DDOST: variants seen among roughly 807,000 people sequenced by gnomAD.
The protein encoded by DDOST is dolichyl-diphosphooligosaccharide--protein glycosyltransferase 48 kDa subunit.
Under a neutral mutation model 47.6 loss-of-function variants are expected in DDOST, and 25 were observed. The observed-to-expected ratio is 0.53, with a 90% CI of 0.38 to 0.73. DDOST has a LOEUF of 0.73. DDOST is among the 30% of genes least tolerant of loss of function. The pLI, the probability that DDOST is intolerant of heterozygous loss-of-function variation, is 0.00. For synonymous variants in DDOST, 275 were observed against 236.0 expected (o/e 1.17, Z -1.51); for missense variants, 526 against 573.9 (o/e 0.92, Z 0.85).
intron 5 of DDOST, 120 bp downstream of exon 5, chr1:20,655,320 C>A: frequency 1.4e-6 from 1 of 733,828 alleles, no homozygotes; most frequent in South Asian, 1.7e-5. Flanking sequence ...CTTGATATAA[C>A]AAATTAATCC....
At chr1:20,658,643 C>T (rs1441205462) in intron 2 of DDOST, among the ~76,000 whole-genome samples, 1 of 152,232 alleles carries the variant, frequency 6.6e-6, no homozygotes, top group Non-Finnish European at 1.5e-5. Flanking sequence ...GCTTCTAATG[C>T]TTGCTAATCT....
At chr1:20,654,549 C>T (rs1263980479) in intron 6 of DDOST, 65 bp downstream of exon 6, 2 of 1,462,620 alleles carry the variant, frequency 1.4e-6, no homozygotes, top group African/African-American at 1.4e-5. Context: ...ATTTCCTTCG[C>T]CTCAGCCAAA....
intron 8 of DDOST, 90 bp from the exon 9 acceptor site, chr1:20,653,061 C>A (rs1042154999): frequency 6.4e-7 from 1 of 1,551,180 alleles, no homozygotes; most frequent in African/African-American, 1.4e-5. Context: ...TCCCACCCGA[C>A]GAACATGGCA....
Position 20,652,272 on chromosome 1 carries a change from G to T in DDOST, c.*107C>A. 1 of 1,186,410 alleles carries T rather than the reference G, an allele frequency of 8.4e-7. No individual in the cohort carries two copies. The highest frequency in any genetic ancestry group is 1.1e-6 in the Non-Finnish European group (1 of 874,630). The allele number at this position is 1,186,410 out of a possible 1,614,324, so 73.5% of individuals were successfully genotyped here. A position where few individuals can be genotyped will look rare whatever the true frequency, so the allele number is the denominator to read the frequency against. On this transcript the variant is annotated 3_prime_UTR_variant, in exon 11 of 11. Coordinates refer to ENST00000602624, the MANE Select transcript of DDOST (RefSeq NM_005216.5). ...GTGTTGCATCTCCCACAGAGGTAAA[G>T]TTGTGCCATTTTCCCACGGCTTTAA...
chr1:20,653,196 T>G, intron 8 of DDOST: 1 of 596,516 alleles, frequency 1.7e-6, no homozygotes, highest in Non-Finnish European at 3.0e-6. Flanking sequence ...TCTGAAGGCC[T>G]AGATTCCTTC....
intron 6 of DDOST, 86 bp from the exon 7 acceptor site, chr1:20,654,457 G>A (rs1382551332): frequency 2.0e-6 from 3 of 1,466,112 alleles, no homozygotes; most frequent in East Asian, 2.5e-5. Context: ...CAGCAGGCCA[G>A]ACCAAAACGA....
chr1:20,656,882 G>A (rs549608757), intron 2 of DDOST, among the ~76,000 whole-genome samples: 1 of 152,348 alleles, frequency 6.6e-6, no homozygotes, highest in Non-Finnish European at 1.5e-5. Flanking sequence ...CTAGCACTGG[G>A]TGGGGCTATT....
intron 2 of DDOST, among the ~76,000 whole-genome samples, chr1:20,659,584 C>T (rs2053414055): frequency 6.6e-6 from 1 of 152,166 alleles, no homozygotes; most frequent in South Asian, 2.1e-4. Context: ...GTTACTGCAC[C>T]GAAGCCCAGT....
At chr1:20,654,138 G>T in intron 7 of DDOST, 85 bp downstream of exon 7, 1 of 1,456,016 alleles carries the variant, frequency 6.9e-7, no homozygotes. Flanking sequence ...TTAGCTAAAA[G>T]CCTCCTTCTT....
At chr1:20,656,067 T>C in intron 3 of DDOST, 34 bp downstream of exon 3, 1 of 1,565,210 alleles carries the variant, frequency 6.4e-7, no homozygotes, top group Non-Finnish European at 8.8e-7. Context: ...CCTGGAGAAG[T>C]GGAAAGCACC....
At chr1:20,659,560 C>T (rs1052735567) in intron 2 of DDOST, among the ~76,000 whole-genome samples, 1 of 152,328 alleles carries the variant, frequency 6.6e-6, no homozygotes, top group Non-Finnish European at 1.5e-5. Flanking sequence ...ACAGCAAAAA[C>T]TTGGCAAACA....
In DDOST at chr1:20,654,267, G is replaced by C. The variant is rs1804070; in HGVS notation, c.750C>G (p.Ser250=). ...FSGSLDFFSD[S]FFNSAVQKAA... ...CCTTCTGCACTGCTGAGTTGAAGAA[G>C]GAGTCGCTGAAGAAGTCGAGGGAGC... Residue 250 remains serine (S), a synonymous_variant, in exon 7 of 11, where the codon TCC becomes TCG. Coordinates refer to ENST00000602624, the MANE Select transcript of DDOST (RefSeq NM_005216.5). The C allele has an allele frequency of 1.3e-6, 2 of 1,551,766 alleles. No individual in the cohort carries two copies. The highest frequency in any genetic ancestry group is 4.9e-5 in the East Asian group (2 of 40,956).
At position 20,656,093 on chromosome 1, in the gene DDOST, G is replaced by A. The variant is rs375795700; in HGVS notation, c.352+8C>T. 20 of 1,610,836 alleles carry A rather than the reference G, an allele frequency of 1.2e-5. No individual in the cohort carries two copies. The highest frequency in any genetic ancestry group is 2.2e-5 in the South Asian group (2 of 91,028). ...GGAAAGCACCAGAACCTCCCAGGTCGGACTCACCAATGTCGGAGCTGGCAG... is the reference window on the plus strand; with the variant it reads ...GGAAAGCACCAGAACCTCCCAGGTCAGACTCACCAATGTCGGAGCTGGCAG... On this transcript the variant is annotated splice_region_variant and intron_variant, in intron 3 of 10. Transcript: ENST00000602624.
intron 2 of DDOST, among the ~76,000 whole-genome samples, chr1:20,659,792 C>A (rs1372906939): frequency 6.6e-6 from 1 of 152,104 alleles, no homozygotes. Flanking sequence ...GAAGCCATGT[C>A]CCAGTTATTC....
chr1:20,653,087 T>G lies in DDOST; in HGVS notation c.943-116A>C, dbSNP rs12410193. On this transcript the variant is annotated intron_variant, in intron 8 of 10. Coordinates refer to ENST00000602624, the MANE Select transcript of DDOST (RefSeq NM_005216.5). Reference sequence around the variant, plus strand: ...GAACATGGCAGGAATGCCCAGGAGTTCAGAAGACCTGCAGATGCCCCTGCC... The same window carrying G: ...GAACATGGCAGGAATGCCCAGGAGTGCAGAAGACCTGCAGATGCCCCTGCC... 0.28 allele frequency: 381,990 copies of G among 1,348,552 alleles called. 55,474 individuals carry two copies. Among genetic ancestry groups the G allele is most frequent in the South Asian group, 0.37 (28,269 of 75,708 alleles). The allele number at this position is 1,348,552 out of a possible 1,614,324, so 83.5% of individuals were successfully genotyped here. A position where few individuals can be genotyped will look rare whatever the true frequency, so the allele number is the denominator to read the frequency against.
At chr1:20,653,450 C>T (rs1482837921) in intron 8 of DDOST, among the ~76,000 whole-genome samples, 177 bp downstream of exon 8, 2 of 152,248 alleles carry the variant, frequency 1.3e-5, no homozygotes, top group Non-Finnish European at 2.9e-5. Context: ...CCTATTAGGA[C>T]ATCAGTTTTC....
chr1:20,658,294 T>TG (rs886804944), intron 2 of DDOST, among the ~76,000 whole-genome samples: 3 of 152,218 alleles, frequency 2.0e-5, no homozygotes, highest in Non-Finnish European at 2.9e-5. Flanking sequence ...AAGAAGCCAC[T>TG]GGGGCACAGA....
Position 20,655,732 on chromosome 1 carries a change from C to A in DDOST, c.400G>T (p.Glu134Ter), listed in dbSNP as rs2053364936. 6.2e-7 allele frequency: 1 copy of A among 1,614,182 alleles called. No homozygotes were observed. Among genetic ancestry groups the A allele is most frequent in the African/African-American group, 1.3e-5 (1 of 75,052 alleles). ...LGSECGIEFDEEKTAVIDHHN... is the reference protein window; with the variant it reads ...LGSECGIEFD ...TGGTCAATGACAGCCGTTTTCTCCTCGTCAAACTCAATCCCGCACTCACTG... is the reference window on the plus strand; with the variant it reads ...TGGTCAATGACAGCCGTTTTCTCCTAGTCAAACTCAATCCCGCACTCACTG... The change falls in exon 4 of 11, where the codon GAG becomes TAG. Residue 134 changes from glutamate to a stop codon, truncating the protein, a stop_gained. Transcript: ENST00000602624. LOFTEE classifies it high-confidence loss of function.
intron 5 of DDOST, 135 bp from the exon 6 acceptor site, chr1:20,654,842 T>A (rs897463534): frequency 4.6e-6 from 3 of 650,464 alleles, no homozygotes; most frequent in Non-Finnish European, 8.1e-6. Context: ...TGTCTTGATA[T>A]AACAATGGAG....
Sources: allele counts gnomAD v4.1 joint callset (sites outside exome capture counted in the v4.1 genomes callset), GRCh38; gene constraint gnomAD v4.1.1; transcripts MANE v1.5; gene names NCBI Gene and HGNC (gene_info 2026-07-23, HGNC 2026-07-21).